ACER2: variants seen among roughly 807,000 people sequenced by gnomAD.
ACER2 encodes the protein alkCDase 2.
A neutral mutation model predicts 34.7 loss-of-function variants in ACER2; 26 were observed. The observed-to-expected ratio is 0.75, with a 90% CI of 0.55 to 1.04. The LOEUF (loss-of-function observed/expected upper bound fraction) is 1.04, where lower values mean the gene tolerates loss of function less well. Among genes scored for constraint, ACER2 ranks in the 50% least tolerant of loss-of-function variants. The pLI, the probability that ACER2 is intolerant of heterozygous loss-of-function variation, is 0.00. For synonymous variants in ACER2, 138 were observed against 132.1 expected, an observed-to-expected ratio of 1.04 and a Z score of -0.31; for missense variants, 352 against 340.8, an observed-to-expected ratio of 1.03 and a Z score of -0.26.
chr9:19,419,944 C>T (rs1004812156), intron 1 of ACER2, among the ~76,000 whole-genome samples: 1 of 152,144 alleles, frequency 6.6e-6, no homozygotes, highest in African/African-American at 2.4e-5. Flanking sequence ...CATTTCTCTC[C>T]CACCCATCTT....
intron 1 of ACER2, among the ~76,000 whole-genome samples, chr9:19,411,207 C>A (rs1830075902): frequency 6.6e-6 from 1 of 152,184 alleles, no homozygotes. Flanking sequence ...GCTGCATTGT[C>A]TGGCTGATGA....
At chr9:19,434,087 C>T (rs1830861429) in intron 3 of ACER2, among the ~76,000 whole-genome samples, 2 of 151,980 alleles carry the variant, frequency 1.3e-5, no homozygotes, top group East Asian at 3.9e-4. Context: ...CTCCTCACCT[C>T]CCAGACGGGG....
At chr9:19,428,652 G>A (rs1563880595) in intron 3 of ACER2, among the ~76,000 whole-genome samples, 1 of 151,592 alleles carries the variant, frequency 6.6e-6, no homozygotes, top group Non-Finnish European at 1.5e-5. Flanking sequence ...GATGACAAAA[G>A]TATCTTCCTG....
chr9:19,414,860 A>G (rs1830195251), intron 1 of ACER2, among the ~76,000 whole-genome samples: 1 of 152,016 alleles, frequency 6.6e-6, no homozygotes. Context: ...AAAAAAAAAA[A>G]AATTGTAGCC....
At position 19,439,310 on chromosome 9, in the gene ACER2, C is replaced by G. The variant is rs80317884; in HGVS notation, c.503+4226C>G. Among the ~76,000 whole-genome samples, 363 of 151,076 alleles carry G rather than the reference C, an allele frequency of 2.4e-3. 2 individuals carry two copies. The highest frequency in any genetic ancestry group is 8.5e-3 in the African/African-American group (350 of 41,158). ...GTCCATTTCACTCCTGTACATTGTC[C>G]TCTATATTGCTGCTCCCTCTCTAAA... On this transcript the variant is annotated intron_variant, in intron 4 of 5. Coordinates refer to ENST00000340967, the MANE Select transcript of ACER2 (RefSeq NM_001010887.3).
At chr9:19,444,667 G>T (rs1034829108) in intron 4 of ACER2, among the ~76,000 whole-genome samples, 1 of 152,208 alleles carries the variant, frequency 6.6e-6, no homozygotes, top group African/African-American at 2.4e-5. Context: ...AAGAAGCCTG[G>T]AGACTGAGCC....
chr9:19,425,160 C>G (rs1483186553), intron 3 of ACER2, among the ~76,000 whole-genome samples: 1 of 152,176 alleles, frequency 6.6e-6, no homozygotes, highest in Non-Finnish European at 1.5e-5. Context: ...TTATTCAATA[C>G]TCTTTGATTT....
chr9:19,445,560 A>G (rs1345091032), intron 4 of ACER2, among the ~76,000 whole-genome samples: 1 of 152,238 alleles, frequency 6.6e-6, no homozygotes, highest in Non-Finnish European at 1.5e-5. Context: ...ACTGAGTGAC[A>G]TTTGAGCAAA....
intron 4 of ACER2, among the ~76,000 whole-genome samples, chr9:19,435,611 G>A (rs1830938221): frequency 6.6e-6 from 1 of 152,180 alleles, no homozygotes; most frequent in African/African-American, 2.4e-5. Flanking sequence ...AATCAGCTGG[G>A]CATGGTGGTG....
chr9:19,448,004 C>CTTTTTTTTT (rs557934540), intron 5 of ACER2, among the ~76,000 whole-genome samples: 10 of 109,898 alleles, frequency 9.1e-5, no homozygotes, highest in Non-Finnish European at 1.2e-4. Context: ...ACGATGCAAA[C>CTTTTTTTTT]TTTTTTTTTT....
In ACER2 at chr9:19,409,208, G is replaced by A. The variant is rs11792865; in HGVS notation, c.108+16G>A. The A allele has an allele frequency of 6.4e-7, 1 of 1,566,670 alleles. No homozygotes were observed. The highest frequency in any genetic ancestry group is 8.7e-7 in the Non-Finnish European group (1 of 1,155,690). ...CTACAACACGGTGCGGGGCGCGGGA[G>A]CGGGGAAGGCAGGCGGGCCAGCGGG... On this transcript the variant is annotated intron_variant, in intron 1 of 5. Transcript: ENST00000340967.
chr9:19,410,736 T>C (rs1467839922), intron 1 of ACER2, among the ~76,000 whole-genome samples: 4 of 152,050 alleles, frequency 2.6e-5, no homozygotes, highest in Non-Finnish European at 4.4e-5. Context: ...ACAGATACTG[T>C]GAAAGACAGT....
Position 19,439,908 on chromosome 9 carries a change from G to A in ACER2, c.503+4824G>A, listed in dbSNP as rs138302879. Among the ~76,000 whole-genome samples, 778 of 152,240 alleles carry A rather than the reference G, an allele frequency of 5.1e-3. 5 individuals are homozygous for A. Among genetic ancestry groups the A allele is most frequent in the African/African-American group, 0.018 (742 of 41,554 alleles). On this transcript the variant is annotated intron_variant, in intron 4 of 5. Transcript: ENST00000340967. ...CTTGAATCCAGGAGGCGGAGGTTGT[G>A]GTGCGTGGAGATGTGGAGATCACGC...
At chr9:19,441,965 G>T (rs1831170229) in intron 4 of ACER2, among the ~76,000 whole-genome samples, 2 of 152,178 alleles carry the variant, frequency 1.3e-5, no homozygotes, top group African/African-American at 4.8e-5. Context: ...AGGAGGAACT[G>T]TTTTCTCACT....
intron 4 of ACER2, among the ~76,000 whole-genome samples, chr9:19,440,861 C>T (rs1831132952): frequency 6.6e-6 from 1 of 152,116 alleles, no homozygotes. Flanking sequence ...CCATGTATCA[C>T]AGGCATCTCA....
chr9:19,422,205 G>T (rs964994722), intron 1 of ACER2, among the ~76,000 whole-genome samples: 1 of 151,790 alleles, frequency 6.6e-6, no homozygotes, highest in African/African-American at 2.4e-5. Flanking sequence ...AGAGGCTGAG[G>T]CAGGAGGCTC....
Position 19,423,881 on chromosome 9 carries a change from T to C in ACER2, c.128T>C (p.Phe43Ser), listed in dbSNP as rs1317430984. The C allele has an allele frequency of 1.1e-5, 17 of 1,614,004 alleles. No homozygotes were observed. Among genetic ancestry groups the C allele is most frequent in the Middle Eastern group, 1.7e-4 (1 of 6,052 alleles). The change falls in exon 2 of 6, where the codon TTC becomes TCC. Residue 43 changes from phenylalanine (F) to serine (S), a missense_variant. Coordinates refer to ENST00000340967, the MANE Select transcript of ACER2 (RefSeq NM_001010887.3). The stretch of plus-strand genomic sequence containing the variant: ...CTGCAGATCAGCAATGTCTTATTTT[T>C]CATTTTACCGCCCATCTGCATGTGC... ...FYNTISNVLF[F>S]ILPPICMCLF...
At chr9:19,410,734 T>G (rs1049748447) in intron 1 of ACER2, among the ~76,000 whole-genome samples, 2 of 152,112 alleles carry the variant, frequency 1.3e-5, no homozygotes, top group African/African-American at 4.8e-5. Flanking sequence ...CCACAGATAC[T>G]GTGAAAGACA....
intron 4 of ACER2, among the ~76,000 whole-genome samples, chr9:19,438,527 A>G (rs1378447777): frequency 1.3e-5 from 2 of 152,228 alleles, no homozygotes; most frequent in African/African-American, 2.4e-5. Flanking sequence ...CCAACTCTGG[A>G]TGTTAACACA....
Sources: gnomAD v4.1 joint callset for allele counts (sites outside exome capture counted in the v4.1 genomes callset) on GRCh38, gnomAD v4.1.1 for gene constraint, MANE v1.5 for transcripts, NCBI Gene and HGNC (gene_info 2026-07-23, HGNC 2026-07-21) for gene names.